JAG2: variants seen among roughly 807,000 people sequenced by gnomAD.
JAG2 encodes protein jagged-2.
Under a neutral mutation model 141.7 loss-of-function variants are expected in JAG2, and 46 were observed. The observed-to-expected ratio is 0.32, with a 90% confidence interval of 0.26 to 0.42. JAG2 has a LOEUF of 0.42. Among genes scored for constraint, JAG2 ranks in the 10% least tolerant of loss-of-function variants. The probability of loss-of-function intolerance (pLI) is 1.00; values close to 1 mark genes in which losing one functional copy is unlikely to be tolerated. For missense variants in JAG2, 1,500 were observed against 1,817.5 expected (o/e 0.83, Z 3.18); for synonymous variants, 862 against 763.5 (o/e 1.13, Z -2.13).
chr14:105,144,871 G>A (rs1311375448), intron 24 of JAG2, 59 bp downstream of exon 24: 47 of 1,576,628 alleles, frequency 3.0e-5, no homozygotes, highest in Non-Finnish European at 3.9e-5. Flanking sequence ...GCATAGCCAG[G>A]ACCTGCATAG....
chr14:105,152,396 G>C, intron 5 of JAG2, 105 bp from the exon 6 acceptor site: 1 of 1,360,374 alleles, frequency 7.4e-7, no homozygotes, highest in Admixed American at 2.0e-5. Flanking sequence ...GCCGGCGGGC[G>C]GCCTCAGGCC....
chr14:105,161,775 C>T (rs1888754909), intron 2 of JAG2, among the ~76,000 whole-genome samples: 1 of 152,232 alleles, frequency 6.6e-6, no homozygotes, highest in Non-Finnish European at 1.5e-5. Flanking sequence ...TCAGTTGCCT[C>T]CTCTGCGAAT....
intron 19 of JAG2, 29 bp from the exon 20 acceptor site, chr14:105,147,440 G>A (rs775330390): frequency 3.1e-6 from 5 of 1,608,460 alleles, no homozygotes; most frequent in Non-Finnish European, 2.6e-6. Context: ...GCATCAGGTG[G>A]CCCCCCGTGG....
chr14:105,168,169 CA>C, intron 1 of JAG2, 62 bp from the exon 2 acceptor site: 1 of 1,389,432 alleles, frequency 7.2e-7, no homozygotes, highest in Non-Finnish European at 9.3e-7. Context: ...GGCCGGGCGC[CA>C]GGGGTGGGGG....
At chr14:105,153,348 G>T (rs1028054147) in intron 5 of JAG2, among the ~76,000 whole-genome samples, 124 of 152,244 alleles carry the variant, frequency 8.1e-4, no homozygotes, top group African/African-American at 3.0e-3. Flanking sequence ...TGGTCCGCGT[G>T]GGTGGCCTCA....
intron 1 of JAG2, 114 bp downstream of exon 1, chr14:105,168,241 C>T: frequency 1.2e-6 from 1 of 811,864 alleles, no homozygotes; most frequent in Non-Finnish European, 1.5e-6. Flanking sequence ...AGCCGCCGCG[C>T]GCAGCCTCGA....
chr14:105,144,673 G>A (rs1888168931), intron 24 of JAG2, among the ~76,000 whole-genome samples: 1 of 152,226 alleles, frequency 6.6e-6, no homozygotes, highest in Admixed American at 6.5e-5. Context: ...AAACAGAGCA[G>A]GGGACCGGGC....
At chr14:105,155,495 T>C in intron 5 of JAG2, 67 bp downstream of exon 5, 2 of 1,563,838 alleles carry the variant, frequency 1.3e-6, no homozygotes, top group Non-Finnish European at 1.8e-6. Context: ...ACAGCAAGGC[T>C]GTGTGTGCCA....
At chr14:105,151,801 C>T in intron 7 of JAG2, 62 bp from the exon 8 acceptor site, 2 of 1,598,744 alleles carry the variant, frequency 1.3e-6, no homozygotes, top group Non-Finnish European at 1.7e-6. Context: ...CACAAGCACT[C>T]CTCCCCAAGC....
Position 105,141,262 on chromosome 14 carries a change from A to G in JAG2, c.*1433T>C, listed in dbSNP as rs894914392. 6.6e-6 allele frequency: 1 copy of G among 152,168 alleles called. No homozygotes were observed. The highest frequency in any genetic ancestry group is 2.4e-5 in the African/African-American group (1 of 41,422). The allele number at this position is 152,168 out of a possible 1,614,324, so 9.4% of individuals were successfully genotyped here. A position where few individuals can be genotyped will look rare whatever the true frequency, so the allele number is the denominator to read the frequency against. On this transcript the variant is annotated 3_prime_UTR_variant, in exon 26 of 26. Coordinates refer to ENST00000331782, the MANE Select transcript of JAG2 (RefSeq NM_002226.5). Reference sequence around the variant, plus strand: ...CCAGTTGGCTCAAGCAGTGAGGGGCAAAACCAGCTCCAGGGCCAGGTGGAA... The same window carrying G: ...CCAGTTGGCTCAAGCAGTGAGGGGCGAAACCAGCTCCAGGGCCAGGTGGAA...
intron 2 of JAG2, among the ~76,000 whole-genome samples, chr14:105,163,191 T>C (rs1242232595): frequency 1.3e-5 from 2 of 152,160 alleles, no homozygotes; most frequent in Non-Finnish European, 1.5e-5. Flanking sequence ...CAGATACATT[T>C]CCTGAAACCT....
chr14:105,152,100 CG>C (rs764211282), intron 6 of JAG2, 43 bp from the exon 7 acceptor site: 2 of 1,613,268 alleles, frequency 1.2e-6, no homozygotes, highest in Non-Finnish European at 1.7e-6. Context: ...GCCGGCCCCC[CG>C]CTCCCCCACA....
intron 12 of JAG2, among the ~76,000 whole-genome samples, chr14:105,149,830 G>A (rs1309568967): frequency 8.9e-6 from 1 of 112,796 alleles, no homozygotes; most frequent in Non-Finnish European, 1.8e-5. Flanking sequence ...CAGGGAAAAA[G>A]GGGAAGTAAG....
At chr14:105,150,497 T>C (rs1328085674) in intron 12 of JAG2, 107 bp downstream of exon 12, 1 of 1,207,420 alleles carries the variant, frequency 8.3e-7, no homozygotes, top group African/African-American at 1.5e-5. Flanking sequence ...TGGGGACAAC[T>C]TCCCCTGCAG....
chr14:105,145,676 C>T (rs587714989), intron 23 of JAG2, 55 bp downstream of exon 23: 30 of 1,554,374 alleles, frequency 1.9e-5, no homozygotes, highest in Middle Eastern at 3.4e-4. Flanking sequence ...CGCCATGCCA[C>T]GAGCAGATGC....
At chr14:105,168,292 G>T in intron 1 of JAG2, 63 bp downstream of exon 1, 1 of 684,802 alleles carries the variant, frequency 1.5e-6, no homozygotes, top group Non-Finnish European at 1.8e-6. Flanking sequence ...TGCCCGCCCG[G>T]CCCCTAGGGG....
In JAG2 at chr14:105,141,047, C is replaced by T. The variant is rs1158923266; in HGVS notation, c.*1648G>A. 2 of 152,226 alleles carry T rather than the reference C, an allele frequency of 1.3e-5. 1 individual carries two copies. The highest frequency in any genetic ancestry group is 2.9e-5 in the Non-Finnish European group (2 of 68,046). 9.4% of individuals were successfully genotyped at this position (152,226 alleles called of 1,614,324 possible). ...TTGTTCTGCCTGTGCAAGGCAGCCT[C>T]ACTCCCAGGCTGTCAGCAGGACTTT... On this transcript the variant is annotated 3_prime_UTR_variant, in exon 26 of 26. Coordinates refer to ENST00000331782, the MANE Select transcript of JAG2 (RefSeq NM_002226.5).
At position 105,146,684 on chromosome 14, in the gene JAG2, G is replaced by A; in HGVS notation, c.2520C>T (p.Ala840=). The A allele has an allele frequency of 2.5e-6, 4 of 1,612,694 alleles. No individual in the cohort carries two copies. Among genetic ancestry groups the A allele is most frequent in the Non-Finnish European group, 3.4e-6 (4 of 1,179,882 alleles). ...ACCCGTTGATCTCATCCACACACGT[G>A]GCCCCGTAGGCACAGGGCGAGGACT... ...ECQSSPCAYG[A]TCVDEINGYR... The change falls in exon 21 of 26, where the codon GCC becomes GCT. Residue 840 remains alanine (A), a synonymous_variant. Transcript: ENST00000331782.
At chr14:105,166,034 C>T (rs1201350612) in intron 2 of JAG2, among the ~76,000 whole-genome samples, 1 of 152,218 alleles carries the variant, frequency 6.6e-6, no homozygotes, top group East Asian at 1.9e-4. Context: ...GGGCTGCCCC[C>T]AAACACGCAG....
Sources: gnomAD v4.1 joint callset for allele counts (sites outside exome capture counted in the v4.1 genomes callset) on GRCh38, gnomAD v4.1.1 for gene constraint, MANE v1.5 for transcripts, NCBI Gene and HGNC (gene_info 2026-07-23, HGNC 2026-07-21) for gene names.